MPPED1: variants seen among roughly 807,000 people sequenced by gnomAD.
MPPED1 encodes the protein metallophosphoesterase domain containing 1.
A neutral mutation model predicts 36.2 loss-of-function variants in MPPED1; 16 were observed. The observed-to-expected ratio is 0.44, with a 90% CI of 0.30 to 0.67. The LOEUF is 0.67. MPPED1 is among the 30% of genes least tolerant of loss of function. MPPED1 has a pLI of 0.10. For missense variants in MPPED1, 307 were observed against 453.4 expected, an observed-to-expected ratio of 0.68 and a Z score of 2.93; for synonymous variants, 199 against 191.3, an observed-to-expected ratio of 1.04 and a Z score of -0.33.
chr22:43,418,436 C>G (rs1345696301), intron 1 of MPPED1: 1 of 302,698 alleles, frequency 3.3e-6, no homozygotes, highest in Non-Finnish European at 6.5e-6. Flanking sequence ...ATGATCCAAG[C>G]ATCTCTTTTG....
intron 5 of MPPED1, among the ~76,000 whole-genome samples, chr22:43,501,219 C>T (rs529223374): frequency 9.8e-5 from 15 of 152,316 alleles, no homozygotes; most frequent in Admixed American, 5.2e-4. Context: ...AGTCCTGGGA[C>T]GGTTCCCGTC....
At chr22:43,440,324 G>T (rs1267985119) in intron 3 of MPPED1, among the ~76,000 whole-genome samples, 1 of 152,200 alleles carries the variant, frequency 6.6e-6, no homozygotes, top group African/African-American at 2.4e-5. Flanking sequence ...GTTGAGTTGG[G>T]GTCTCAAGGA....
chr22:43,440,129 C>T (rs976676658), intron 3 of MPPED1, among the ~76,000 whole-genome samples: 15 of 152,248 alleles, frequency 9.9e-5, no homozygotes, highest in African/African-American at 2.7e-4. Flanking sequence ...ACCCCGCTGA[C>T]GCAGCCCTGT....
chr22:43,443,193 C>G (rs543064208), intron 3 of MPPED1, among the ~76,000 whole-genome samples: 2 of 152,212 alleles, frequency 1.3e-5, no homozygotes, highest in African/African-American at 4.8e-5. Context: ...GAGAAGGACC[C>G]AGCTCTGAAT....
chr22:43,420,561 C>T (rs374891149), intron 1 of MPPED1, among the ~76,000 whole-genome samples: 21 of 152,068 alleles, frequency 1.4e-4, no homozygotes, highest in East Asian at 7.7e-4. Context: ...CCCACCACCA[C>T]GCCTGGCTGT....
intron 3 of MPPED1, among the ~76,000 whole-genome samples, chr22:43,460,475 C>T (rs766677887): frequency 2.0e-4 from 31 of 151,946 alleles, no homozygotes; most frequent in Non-Finnish European, 2.9e-4. Context: ...AGACCACAGG[C>T]GAGCACCAAC....
intron 2 of MPPED1, 38 bp from the exon 3 acceptor site, chr22:43,434,996 C>A: frequency 6.2e-7 from 1 of 1,600,946 alleles, no homozygotes; most frequent in Non-Finnish European, 8.5e-7. Context: ...CTCGCGGCTC[C>A]ATGGCCTCCT....
chr22:43,468,174 A>G (rs1024732669), intron 3 of MPPED1, among the ~76,000 whole-genome samples: 3 of 152,266 alleles, frequency 2.0e-5, no homozygotes, highest in African/African-American at 7.2e-5. Flanking sequence ...GCAACAAGAA[A>G]TCCACGGCTA....
At chr22:43,503,743 T>C (rs1052461330) in intron 6 of MPPED1, among the ~76,000 whole-genome samples, 1 of 152,072 alleles carries the variant, frequency 6.6e-6, no homozygotes, top group African/African-American at 2.4e-5. Flanking sequence ...TGTGGGATAA[T>C]AATAATAGCT....
chr22:43,500,102 A>G lies in MPPED1; in HGVS notation c.748+1752A>G, dbSNP rs1189007787. On this transcript the variant is annotated intron_variant, in intron 5 of 6. Coordinates refer to ENST00000443721, the MANE Select transcript of MPPED1 (RefSeq NM_001044370.2). ...TGGTGGTGATGGCGATGGAGGTGGT[A>G]GTGGGGGTGATGAAGGTGGTGATGG... is the stretch of plus-strand genomic sequence containing the variant. Among the ~76,000 whole-genome samples, 120 of 35,792 alleles carry G rather than the reference A, an allele frequency of 3.4e-3. 5 individuals carry two copies. Among genetic ancestry groups the G allele is most frequent in the African/African-American group, 4.1e-3 (46 of 11,292 alleles). The allele number at this position is 35,792 out of a possible 152,430, so 23.5% of individuals were successfully genotyped here.
intron 1 of MPPED1, among the ~76,000 whole-genome samples, chr22:43,415,465 A>T (rs1929048506): frequency 6.6e-6 from 1 of 151,694 alleles, no homozygotes; most frequent in South Asian, 2.1e-4. Context: ...CACTTAAAAT[A>T]TCTGTGACCA....
intron 2 of MPPED1, among the ~76,000 whole-genome samples, chr22:43,431,470 C>T (rs558394783): frequency 6.6e-6 from 1 of 152,238 alleles, no homozygotes; most frequent in East Asian, 1.9e-4. Flanking sequence ...CCAAGCAGGT[C>T]CCTGGCATTT....
At chr22:43,468,259 T>C (rs1438286393) in intron 3 of MPPED1, among the ~76,000 whole-genome samples, 2 of 152,230 alleles carry the variant, frequency 1.3e-5, no homozygotes, top group African/African-American at 2.4e-5. Flanking sequence ...AATGTTTTCA[T>C]GGAGAATACA....
chr22:43,491,543 G>A (rs1329846040), intron 4 of MPPED1, among the ~76,000 whole-genome samples: 1 of 151,566 alleles, frequency 6.6e-6, no homozygotes, highest in African/African-American at 2.4e-5. Context: ...TGGTAGTGAT[G>A]GAGGTGGTGG....
chr22:43,430,597 GGT>G (rs1243992557), intron 2 of MPPED1, among the ~76,000 whole-genome samples: 1 of 152,154 alleles, frequency 6.6e-6, no homozygotes, highest in Non-Finnish European at 1.5e-5. Context: ...GCTTGAGATG[GGT>G]GTCAGGTCTC....
At chr22:43,491,628 ATGGTGATGGAGGTGGTGGTTATGGAGG>A (rs1932092298) in intron 4 of MPPED1, among the ~76,000 whole-genome samples, 1 of 100,632 alleles carries the variant, frequency 9.9e-6, no homozygotes. Flanking sequence ...GGTGGTGGTG[ATGGTGATGGAGGTGGTGGTTATGGAGG>A]TGGTGGTGAT....
chr22:43,478,673 G>A (rs117574811), intron 4 of MPPED1, among the ~76,000 whole-genome samples: 5,833 of 152,254 alleles, frequency 0.038, 170 homozygotes, highest in Middle Eastern at 0.088. Context: ...GGGCCTGGGT[G>A]GATGACAGCA....
At chr22:43,454,036 T>G (rs28715982) in intron 3 of MPPED1, among the ~76,000 whole-genome samples, 7,134 of 152,176 alleles carry the variant, frequency 0.047, 465 homozygotes, top group African/African-American at 0.15. Flanking sequence ...TGAGACAGAG[T>G]TTCGCTCTGT....
intron 1 of MPPED1, among the ~76,000 whole-genome samples, chr22:43,415,051 C>T (rs1482122530): frequency 5.3e-5 from 8 of 151,940 alleles, no homozygotes; most frequent in Non-Finnish European, 1.0e-4. Context: ...GGCACTGTTT[C>T]CCACAGCAAG....
Sources: gnomAD v4.1 joint callset for allele counts (sites outside exome capture counted in the v4.1 genomes callset) on GRCh38, gnomAD v4.1.1 for gene constraint, MANE v1.5 for transcripts, NCBI Gene and HGNC (gene_info 2026-07-23, HGNC 2026-07-21) for gene names.